The following ZNF532 variants were observed in gnomAD, a reference collection of about 807,000 sequenced individuals.
ZNF532 encodes zinc finger protein 532.
A neutral mutation model predicts 89.3 loss-of-function variants in ZNF532; 22 were observed. That is an observed-to-expected ratio of 0.25 (90% confidence interval 0.18 to 0.35). ZNF532 has a LOEUF of 0.35. Ranked by LOEUF, ZNF532 falls within the 10% of genes least tolerant of loss-of-function variation. The pLI, the probability that ZNF532 is intolerant of heterozygous loss-of-function variation, is 1.00. For synonymous variants in ZNF532, 606 were observed against 649.6 expected, an observed-to-expected ratio of 0.93 and a Z score of 1.02; for missense variants, 1,132 against 1,643.4, an observed-to-expected ratio of 0.69 and a Z score of 5.38.
intron 8 of ZNF532, 65 bp downstream of exon 8, chr18:58,979,232 G>A: frequency 8.1e-7 from 1 of 1,237,938 alleles, no homozygotes; most frequent in Non-Finnish European, 1.2e-6. Context: ...AAGGTTTTTA[G>A]TGTAGTACCA....
chr18:58,884,979 GTT>G (rs34689408), intron 2 of ZNF532, among the ~76,000 whole-genome samples: 14 of 138,100 alleles, frequency 1.0e-4, no homozygotes, highest in Admixed American at 2.2e-4. Context: ...CAGTACAAGG[GTT>G]TTTTTTTTTT....
chr18:58,907,437 C>T (rs895711666), intron 2 of ZNF532, among the ~76,000 whole-genome samples: 1 of 152,104 alleles, frequency 6.6e-6, no homozygotes, highest in Non-Finnish European at 1.5e-5. Flanking sequence ...CCCCTGCCCA[C>T]CTTGGCCTCC....
chr18:58,947,169 G>C (rs1421986143), intron 5 of ZNF532, among the ~76,000 whole-genome samples: 3 of 152,104 alleles, frequency 2.0e-5, no homozygotes, highest in African/African-American at 7.2e-5. Flanking sequence ...TATGTGCCAG[G>C]GTGACCCAGA....
intron 7 of ZNF532, among the ~76,000 whole-genome samples, chr18:58,970,062 T>C (rs1280118524): frequency 1.3e-5 from 2 of 151,984 alleles, no homozygotes; most frequent in African/African-American, 4.8e-5. Context: ...TTTTTTGTGT[T>C]TTTAATAGAG....
intron 6 of ZNF532, among the ~76,000 whole-genome samples, chr18:58,950,374 A>G (rs1032425725): frequency 6.6e-6 from 1 of 152,240 alleles, no homozygotes; most frequent in Admixed American, 6.5e-5. Context: ...CAGTGGGAAT[A>G]ATCACTTATG....
chr18:58,918,611 G>A lies in ZNF532; in HGVS notation c.324G>A (p.Lys108=), dbSNP rs2060780552. The change falls in exon 3 of 10, where the codon AAG becomes AAA. Residue 108 remains lysine, a synonymous_variant. Transcript: ENST00000591808. The part of the protein sequence containing the change: ...SLDSYSKDGA[K]SLKGDVPASE... Reference sequence around the variant, plus strand: ...ACAGTTACAGTAAAGATGGAGCAAAGTCCTTGAAAGGAGATGTGCCTGCCT... The same window carrying A: ...ACAGTTACAGTAAAGATGGAGCAAAATCCTTGAAAGGAGATGTGCCTGCCT... 1.9e-6 allele frequency: 3 copies of A among 1,614,222 alleles called. 1 individual carries two copies. The Middle Eastern group carries it at 4.9e-4, about 266-fold the overall frequency.
At chr18:58,960,013 A>T (rs1031529095) in intron 7 of ZNF532, among the ~76,000 whole-genome samples, 2 of 152,116 alleles carry the variant, frequency 1.3e-5, no homozygotes, top group African/African-American at 4.8e-5. Context: ...ATCTTGGCTC[A>T]CTGCAACCTC....
intron 3 of ZNF532, 179 bp from the exon 4 acceptor site, chr18:58,934,254 A>C: frequency 1.8e-6 from 1 of 560,746 alleles, no homozygotes; most frequent in African/African-American, 1.9e-5. Context: ...ATTTTACAGG[A>C]TAGAGAATTG....
At chr18:58,937,084 T>C (rs2062541449) in intron 4 of ZNF532, among the ~76,000 whole-genome samples, 1 of 152,212 alleles carries the variant, frequency 6.6e-6, no homozygotes. Context: ...TTCTGAATTT[T>C]CCTGCCTCTT....
rs540013305 is a variant in ZNF532, at chr18:58,882,081, C to G, written c.-18+16502C>G. On this transcript the variant is annotated intron_variant, in intron 2 of 9. Transcript: ENST00000591808. ...CAGGTGATCCTCCCACCTCAGCCTCCTGCGTAGCTTGGGACTATTAGGTGC... is the reference window on the plus strand; with the variant it reads ...CAGGTGATCCTCCCACCTCAGCCTCGTGCGTAGCTTGGGACTATTAGGTGC... Among the ~76,000 whole-genome samples, 6 of 152,250 alleles carry G rather than the reference C, an allele frequency of 3.9e-5. No individual in the cohort carries two copies. In the East Asian group the frequency reaches 1.2e-3, roughly 29 times the overall value.
intron 2 of ZNF532, among the ~76,000 whole-genome samples, chr18:58,868,878 G>A (rs186734430): frequency 1.1e-4 from 16 of 152,308 alleles, no homozygotes; most frequent in Admixed American, 7.2e-4. Context: ...AAGATAGAAT[G>A]TACTTACACA....
At chr18:58,884,485 A>G (rs1311777338) in intron 2 of ZNF532, among the ~76,000 whole-genome samples, 1 of 150,420 alleles carries the variant, frequency 6.6e-6, no homozygotes, top group Non-Finnish European at 1.5e-5. Context: ...TTAGGACCTA[A>G]CGCACAAAAA....
At chr18:58,914,779 T>C (rs1246150266) in intron 2 of ZNF532, among the ~76,000 whole-genome samples, 1 of 152,346 alleles carries the variant, frequency 6.6e-6, no homozygotes, top group Non-Finnish European at 1.5e-5. Context: ...TAACTAAAGC[T>C]AATTCTGTTT....
rs550246982 is a variant in ZNF532 at position 58,962,151 on chromosome 18, G to A, written c.3150+8352G>A. On this transcript the variant is annotated intron_variant, in intron 7 of 9. Coordinates refer to ENST00000591808, the MANE Select transcript of ZNF532 (RefSeq NM_001375912.1). ...TGAGGCAGGAGAATTGTTTAAACCC[G>A]GGAGGTGAAGGTTGCGGTGAGCCGA... Among the ~76,000 whole-genome samples the A allele has an allele frequency of 6.1e-4, 93 of 152,178 alleles. 1 individual carries two copies. The highest frequency in any genetic ancestry group is 3.4e-3 in the Middle Eastern group (1 of 294).
chr18:58,940,590 A>G (rs2062900941), intron 5 of ZNF532, among the ~76,000 whole-genome samples: 1 of 152,180 alleles, frequency 6.6e-6, no homozygotes, highest in Non-Finnish European at 1.5e-5. Context: ...CTCAGCGGCC[A>G]TCTTCTCCCC....
intron 7 of ZNF532, among the ~76,000 whole-genome samples, chr18:58,956,796 G>A (rs948735582): frequency 6.6e-6 from 1 of 152,124 alleles, no homozygotes; most frequent in Non-Finnish European, 1.5e-5. Context: ...CTTTCTAAAA[G>A]CATTTTCTAC....
At chr18:58,905,309 AT>A (rs558162345) in intron 2 of ZNF532, among the ~76,000 whole-genome samples, 42 of 151,890 alleles carry the variant, frequency 2.8e-4, no homozygotes, top group African/African-American at 9.7e-4. Flanking sequence ...TTTCGCCAAT[AT>A]TCTTTGGAAG....
chr18:58,888,388 A>T (rs2058450235), intron 2 of ZNF532, among the ~76,000 whole-genome samples: 1 of 152,000 alleles, frequency 6.6e-6, no homozygotes, highest in African/African-American at 2.4e-5. Context: ...TCAGAAATGA[A>T]AATATGGCCG....
chr18:58,871,402 C>T (rs7343039), intron 2 of ZNF532, among the ~76,000 whole-genome samples: 44,962 of 152,106 alleles, frequency 0.3, 7,775 homozygotes, highest in East Asian at 0.57. Flanking sequence ...ATTATGTTAC[C>T]TCATTTGATA....
Sources: gnomAD v4.1 joint callset for allele counts (sites outside exome capture counted in the v4.1 genomes callset) on GRCh38, gnomAD v4.1.1 for gene constraint, MANE v1.5 for transcripts, NCBI Gene and HGNC (gene_info 2026-07-23, HGNC 2026-07-21) for gene names.